Variants in GATA4 observed in about 807,000 individuals in gnomAD.
GATA4 encodes the protein GATA binding protein 4.
Under a neutral mutation model 37.9 loss-of-function variants are expected in GATA4, and 7 were observed. That is an observed-to-expected ratio of 0.18 (90% CI 0.11 to 0.35). GATA4 has a LOEUF of 0.35. GATA4 is among the 10% of genes least tolerant of loss of function. GATA4 has a pLI of 1.00. For synonymous variants in GATA4, 372 were observed against 292.6 expected (o/e 1.27, Z -2.77); for missense variants, 647 against 653.0 (o/e 0.99, Z 0.10).
At chr8:11,721,409 C>T (rs991878669) in intron 2 of GATA4, among the ~76,000 whole-genome samples, 1 of 150,360 alleles carries the variant, frequency 6.7e-6, no homozygotes, top group Non-Finnish European at 1.5e-5. Context: ...GAGCAGGATT[C>T]GAGCAGCACT....
intron 2 of GATA4, among the ~76,000 whole-genome samples, chr8:11,723,734 A>AT (rs1563209736): frequency 6.6e-6 from 1 of 152,228 alleles, no homozygotes; most frequent in East Asian, 1.9e-4. Flanking sequence ...GCATGTCTTC[A>AT]TACTGATGCT....
Position 11,748,911 on chromosome 8 carries a change from C to T in GATA4, c.617-5C>T, listed in dbSNP as rs761579469. The T allele has an allele frequency of 3.1e-6, 5 of 1,614,228 alleles. No individual in the cohort carries two copies. The highest frequency in any genetic ancestry group is 4.2e-6 in the Non-Finnish European group (5 of 1,180,018). ...GTCTTTTCTTGTCTGTTCCCCCCAA[C>T]TCAGTAGATATGTTTGACGACTTCT... On this transcript the variant is annotated splice_region_variant and splice_polypyrimidine_tract_variant and intron_variant, in intron 2 of 6. Coordinates refer to ENST00000532059, the MANE Select transcript of GATA4 (RefSeq NM_001308093.3).
intron 2 of GATA4, 142 bp from the exon 3 acceptor site, chr8:11,748,774 G>T: frequency 1.1e-6 from 1 of 909,980 alleles, no homozygotes; most frequent in Non-Finnish European, 1.8e-6. Context: ...GAGTGAGGAA[G>T]AGCAAGAGCA....
intron 4 of GATA4, among the ~76,000 whole-genome samples, chr8:11,753,772 C>A (rs528759542): frequency 1.3e-5 from 2 of 152,154 alleles, no homozygotes; most frequent in Non-Finnish European, 1.5e-5. Context: ...TTAACCATTG[C>A]GTGTTCATGT....
At chr8:11,704,648 C>T (rs1799812207) in intron 1 of GATA4, among the ~76,000 whole-genome samples, 1 of 152,220 alleles carries the variant, frequency 6.6e-6, no homozygotes. Flanking sequence ...ATGGTGGCCG[C>T]GTGAAGTTAC....
upstream of GATA4, among the ~76,000 whole-genome samples, chr8:11,701,064 G>A (rs1563194603): frequency 6.6e-6 from 1 of 152,162 alleles, no homozygotes; most frequent in Non-Finnish European, 1.5e-5. Context: ...AATACGCAGC[G>A]TACAATTTGC....
At chr8:11,724,066 C>T (rs549969243) in intron 2 of GATA4, among the ~76,000 whole-genome samples, 2 of 152,184 alleles carry the variant, frequency 1.3e-5, no homozygotes, top group African/African-American at 4.8e-5. Context: ...ACAGTATTCT[C>T]TTGTGACGGG....
chr8:11,693,562 C>CACACACAGAG (rs1405047773), intron 1 of GATA4, among the ~76,000 whole-genome samples: 23 of 72,228 alleles, frequency 3.2e-4, no homozygotes, highest in African/African-American at 1.1e-3. Context: ...CACACACACA[C>CACACACAGAG]AGAGAGAGAG....
At chr8:11,720,399 T>G (rs6601605) in intron 2 of GATA4, among the ~76,000 whole-genome samples, 9 of 151,906 alleles carry the variant, frequency 5.9e-5, no homozygotes, top group African/African-American at 1.7e-4. Context: ...CTGCCTGCCT[T>G]GTTTTAAGCA....
At chr8:11,746,260 T>C (rs951642323) in intron 2 of GATA4, among the ~76,000 whole-genome samples, 3 of 151,342 alleles carry the variant, frequency 2.0e-5, no homozygotes, top group African/African-American at 7.3e-5. Context: ...ATAGAAAAAG[T>C]AAAATAGACT....
chr8:11,708,396 C>A lies in GATA4; in HGVS notation c.84C>A (p.His28Gln). The A allele has an allele frequency of 6.5e-7, 1 of 1,543,690 alleles. No individual in the cohort carries two copies. The highest frequency in any genetic ancestry group is 8.7e-7 in the Non-Finnish European group (1 of 1,151,468). The part of the protein sequence containing the change: ...YEAGGPGAFM[H>Q]GAGAASSPVY... ...CGGGCGGCCCCGGCGCCTTCATGCA[C>A]GGCGCGGGCGCCGCGTCCTCGCCAG... The change falls in exon 2 of 7, where the codon CAC becomes CAA. Residue 28 changes from histidine to glutamine, a missense_variant. Coordinates refer to ENST00000532059, the MANE Select transcript of GATA4 (RefSeq NM_001308093.3). The surrounding 1 kb of genome is among the most constrained non-coding windows in gnomAD (Gnocchi z 6.7).
intron 2 of GATA4, among the ~76,000 whole-genome samples, chr8:11,714,939 CG>C (rs1451761869): frequency 2.0e-5 from 3 of 152,052 alleles, no homozygotes; most frequent in African/African-American, 7.2e-5. Context: ...GCCTGGACTC[CG>C]GAATTTTCAC....
intron 4 of GATA4, among the ~76,000 whole-genome samples, chr8:11,753,183 A>T (rs1802383655): frequency 6.6e-6 from 1 of 152,218 alleles, no homozygotes; most frequent in Non-Finnish European, 1.5e-5. Flanking sequence ...TGAACGGATA[A>T]ACACAGTGTG....
intron 1 of GATA4, among the ~76,000 whole-genome samples, chr8:11,677,420 T>A (rs1798819641): frequency 6.6e-6 from 1 of 152,078 alleles, no homozygotes; most frequent in Non-Finnish European, 1.5e-5. Context: ...TGGAGAGGGG[T>A]GCCTGGTGTC....
chr8:11,697,614 C>A (rs1160652722), intron 1 of GATA4: 3 of 985,330 alleles, frequency 3.0e-6, no homozygotes, highest in Non-Finnish European at 2.4e-6. Context: ...GATGGCCGGA[C>A]GGCCGGGCCT....
chr8:11,704,773 T>A (rs12546133), intron 1 of GATA4, among the ~76,000 whole-genome samples: 1 of 152,236 alleles, frequency 6.6e-6, no homozygotes, highest in Admixed American at 6.5e-5. Context: ...GCCAGGCAGC[T>A]CCGCTGGGCC....
chr8:11,715,005 G>A (rs551430820), intron 2 of GATA4, among the ~76,000 whole-genome samples: 5 of 152,244 alleles, frequency 3.3e-5, no homozygotes, highest in South Asian at 2.1e-4. Context: ...AGCATTGCTC[G>A]TAATAACAAA....
At chr8:11,689,080 C>T (rs762891733), upstream of GATA4, among the ~76,000 whole-genome samples, 17 of 152,162 alleles carry the variant, frequency 1.1e-4, no homozygotes, top group Admixed American at 3.3e-4. Flanking sequence ...ATCCAATAAG[C>T]GACTTTGCTC....
rs139631153 is a variant in GATA4, at chr8:11,693,562, C to CAG, written c.-729+934_-729+935dup. On this transcript the variant is annotated intron_variant, in intron 1 of 2. Coordinates refer to the GATA4 transcript ENST00000526974. ...ACACACACACACACACACACACACA[C>CAG]AGAGAGAGAGAGAGAGAGAGAGAGA... Among the ~76,000 whole-genome samples the CAG allele has an allele frequency of 7.8e-3, 566 of 72,208 alleles. 9 individuals carry two copies. The highest frequency in any genetic ancestry group is 0.036 in the Middle Eastern group (5 of 138). 47.4% of individuals were successfully genotyped at this position (72,208 alleles called of 152,430 possible).
Sources: allele counts gnomAD v4.1 joint callset (sites outside exome capture counted in the v4.1 genomes callset), GRCh38; gene constraint gnomAD v4.1.1; non-coding constraint Gnocchi (gnomAD v3.1); transcripts MANE v1.5; gene names NCBI Gene and HGNC (gene_info 2026-07-23, HGNC 2026-07-21).